Variants in AFDN observed in about 807,000 individuals in gnomAD.
AFDN encodes afadin, adherens junction formation factor, also known as afadin.
In AFDN, 68 loss-of-function variants were observed where a neutral mutation model predicts 216.6. The observed-to-expected ratio is 0.31, with a 90% CI of 0.26 to 0.38. The LOEUF (loss-of-function observed/expected upper bound fraction) is 0.38. Among genes scored for constraint, AFDN ranks in the 10% least tolerant of loss-of-function variants. AFDN has a pLI of 1.00. For missense variants in AFDN, 2,136 were observed against 2,342.0 expected, an observed-to-expected ratio of 0.91 and a Z score of 1.82; for synonymous variants, 868 against 853.7, an observed-to-expected ratio of 1.02 and a Z score of -0.29.
chr6:167,950,802 A>G (rs1190532359), intron 29 of AFDN, among the ~76,000 whole-genome samples: 1 of 151,478 alleles, frequency 6.6e-6, no homozygotes. Flanking sequence ...GAGGATGGGC[A>G]CTGGCACTGA....
At chr6:167,928,637 C>G (rs939704517) in intron 23 of AFDN, among the ~76,000 whole-genome samples, 2 of 152,198 alleles carry the variant, frequency 1.3e-5, no homozygotes, top group Non-Finnish European at 2.9e-5. Flanking sequence ...TAGGAGTGCC[C>G]GACTGTGCCT....
intron 23 of AFDN, 147 bp downstream of exon 23, chr6:167,925,238 T>C (rs1792360414): frequency 4.7e-6 from 3 of 636,790 alleles, no homozygotes; most frequent in Non-Finnish European, 8.4e-6. Flanking sequence ...AGGAATGGTG[T>C]TACATGAATG....
At chr6:167,918,596 C>A in intron 20 of AFDN, 139 bp from the exon 21 acceptor site, 1 of 795,206 alleles carries the variant, frequency 1.3e-6, no homozygotes, top group Non-Finnish European at 2.1e-6. Flanking sequence ...CCCTCCGTAA[C>A]CCTGCGTCTG....
intron 21 of AFDN, among the ~76,000 whole-genome samples, chr6:167,921,554 A>G (rs1791806797): frequency 6.6e-6 from 1 of 152,242 alleles, no homozygotes; most frequent in Non-Finnish European, 1.5e-5. Flanking sequence ...CAGTTCTGTG[A>G]GAAAAGACTG....
intron 1 of AFDN, among the ~76,000 whole-genome samples, chr6:167,861,965 A>G (rs907551385): frequency 1.3e-5 from 2 of 152,140 alleles, no homozygotes; most frequent in African/African-American, 4.8e-5. Context: ...GCCTTTGGAG[A>G]AGCCTGGGGG....
At chr6:167,882,343 G>A (rs1397847929) in intron 6 of AFDN, among the ~76,000 whole-genome samples, 1 of 152,072 alleles carries the variant, frequency 6.6e-6, no homozygotes, top group Non-Finnish European at 1.5e-5. Flanking sequence ...TAGATTATTA[G>A]TGTAGAATAT....
intron 11 of AFDN, among the ~76,000 whole-genome samples, chr6:167,900,569 G>C (rs1788815727): frequency 6.6e-6 from 1 of 152,158 alleles, no homozygotes; most frequent in Non-Finnish European, 1.5e-5. Context: ...CAGTAAAAAT[G>C]AGCCATGTTA....
rs1289977577 is a variant in AFDN, at chr6:167,946,719, G to A, written c.3371G>A (p.Arg1124His). 1.1e-5 allele frequency: 17 copies of A among 1,613,566 alleles called. No homozygotes were observed. Among genetic ancestry groups the A allele is most frequent in the East Asian group, 6.7e-5 (3 of 44,846 alleles). The change falls in exon 27 of 34, where the codon CGT (arginine) becomes CAT (histidine). Residue 1124 changes from arginine to histidine, a missense_variant. By Grantham distance (29) the Arg-to-His change is conservative. Coordinates refer to ENST00000683244, the MANE Select transcript of AFDN (RefSeq NM_001386888.1). ...GCTTTGATTCCAGTTTCAGATCGTCGTGGCTCAGGTAAACCCCGACCAAAG... is the reference window on the plus strand; with the variant it reads ...GCTTTGATTCCAGTTTCAGATCGTCATGGCTCAGGTAAACCCCGACCAAAG... ...SPMMQRISDR[R>H]GSGKPRPKSE...
At chr6:167,826,745 G>GCCCTCCGACACCT, upstream of AFDN, 1 of 373,936 alleles carries the variant, frequency 2.7e-6, no homozygotes, top group Non-Finnish European at 5.3e-6. Flanking sequence ...CGCGGGGCCC[G>GCCCTCCGACACCT]CCCTCCGACA....
At chr6:167,860,857 C>A (rs931644652) in intron 1 of AFDN, among the ~76,000 whole-genome samples, 10 of 152,310 alleles carry the variant, frequency 6.6e-5, no homozygotes, top group African/African-American at 2.2e-4. Context: ...GGTCTCAAGT[C>A]ACCAACAATT....
intron 11 of AFDN, among the ~76,000 whole-genome samples, chr6:167,900,574 A>G (rs992237817): frequency 6.6e-6 from 1 of 152,232 alleles, no homozygotes; most frequent in African/African-American, 2.4e-5. Flanking sequence ...AAAATGAGCC[A>G]TGTTAAAACT....
At chr6:167,947,467 C>T (rs1488033260) in intron 27 of AFDN, among the ~76,000 whole-genome samples, 1 of 152,172 alleles carries the variant, frequency 6.6e-6, no homozygotes, top group Non-Finnish European at 1.5e-5. Context: ...GCTTGAGCCA[C>T]CATGCCCAGC....
chr6:167,944,298 C>T (rs889758741), intron 26 of AFDN, among the ~76,000 whole-genome samples: 37 of 152,142 alleles, frequency 2.4e-4, no homozygotes, highest in African/African-American at 8.4e-4. Context: ...AACTTCACCC[C>T]CACAGGGCTG....
intron 1 of AFDN, among the ~76,000 whole-genome samples, chr6:167,853,748 C>G (rs566953274): frequency 6.6e-6 from 1 of 151,986 alleles, no homozygotes; most frequent in Non-Finnish European, 1.5e-5. Context: ...TGCTGTTGTG[C>G]GTTGTGCTTT....
At chr6:167,883,972 A>G (rs538522096) in intron 6 of AFDN, among the ~76,000 whole-genome samples, 1 of 152,146 alleles carries the variant, frequency 6.6e-6, no homozygotes, top group South Asian at 2.1e-4. Context: ...AGTCCTCCCA[A>G]CCCCTGCCAC....
chr6:167,862,042 G>A (rs1456068824), intron 1 of AFDN, among the ~76,000 whole-genome samples: 1 of 152,196 alleles, frequency 6.6e-6, no homozygotes, highest in Non-Finnish European at 1.5e-5. Flanking sequence ...GGGTGGTAGT[G>A]TGAAAGTATT....
intron 23 of AFDN, among the ~76,000 whole-genome samples, chr6:167,925,492 C>G (rs1792400753): frequency 6.6e-6 from 1 of 152,156 alleles, no homozygotes; most frequent in African/African-American, 2.4e-5. Context: ...TTCTCAGACT[C>G]CAGTGCACAT....
At chr6:167,866,569 A>G (rs1159909739) in intron 2 of AFDN, among the ~76,000 whole-genome samples, 1 of 152,188 alleles carries the variant, frequency 6.6e-6, no homozygotes, top group Non-Finnish European at 1.5e-5. Flanking sequence ...AATGATGGAA[A>G]ACTGAAGCTT....
In AFDN at chr6:167,875,354, G is replaced by A; in HGVS notation, c.598G>A (p.Ala200Thr). The change falls in exon 5 of 34, where the codon GCT becomes ACT. Residue 200 changes from alanine to threonine, a missense_variant. Ala to Thr is a moderately conservative substitution (Grantham distance 58). Coordinates refer to ENST00000683244, the MANE Select transcript of AFDN (RefSeq NM_001386888.1). Reference sequence around the variant, plus strand: ...TTACAGTGAAAATTCTCGACTGGCTGCTGAGGTTTACAAAGACATGCCGGA... The same window carrying A: ...TTACAGTGAAAATTCTCGACTGGCTACTGAGGTTTACAAAGACATGCCGGA... ...GEDVENSRLA[A>T]EVYKDMPETS... 6.2e-7 allele frequency: 1 copy of A among 1,611,676 alleles called. No individual in the cohort carries two copies. The highest frequency in any genetic ancestry group is 1.1e-5 in the South Asian group (1 of 90,350).
Sources: gnomAD v4.1 joint callset for allele counts (sites outside exome capture counted in the v4.1 genomes callset) on GRCh38, gnomAD v4.1.1 for gene constraint, MANE v1.5 for transcripts, NCBI Gene and HGNC (gene_info 2026-07-23, HGNC 2026-07-21) for gene names.